The following LRGUK variants were observed in gnomAD, a reference collection of about 807,000 sequenced individuals.
LRGUK encodes the protein leucine rich repeats and guanylate kinase domain containing, also known as leucine-rich repeat and guanylate kinase domain-containing protein.
Under a neutral mutation model 76.0 loss-of-function variants are expected in LRGUK, and 65 were observed. The observed-to-expected ratio is 0.85, with a 90% confidence interval of 0.70 to 1.05. The LOEUF (loss-of-function observed/expected upper bound fraction) is 1.05. Among genes scored for constraint, LRGUK ranks in the 50% least tolerant of loss-of-function variants. LRGUK has a pLI of 0.00. For missense variants in LRGUK, 758 were observed against 732.8 expected (o/e 1.03, Z -0.40); for synonymous variants, 268 against 265.6 (o/e 1.01, Z -0.09).
intron 5 of LRGUK, among the ~76,000 whole-genome samples, chr7:134,156,625 A>T (rs1224718346): frequency 6.6e-6 from 1 of 152,198 alleles, no homozygotes; most frequent in Non-Finnish European, 1.5e-5. Context: ...GATGATGTGG[A>T]TGAAACTGGA....
chr7:134,192,613 C>T (rs1415956814), intron 12 of LRGUK, among the ~76,000 whole-genome samples: 1 of 152,148 alleles, frequency 6.6e-6, no homozygotes, highest in Non-Finnish European at 1.5e-5. Flanking sequence ...TCATAATCCT[C>T]GCATGTTTTA....
chr7:134,267,002 G>T (rs1456307178), downstream of LRGUK, among the ~76,000 whole-genome samples: 1 of 152,148 alleles, frequency 6.6e-6, no homozygotes, highest in Non-Finnish European at 1.5e-5. Flanking sequence ...GGAAAGAACT[G>T]TCAACTTACA....
At chr7:134,177,112 C>A (rs1279543817) in intron 9 of LRGUK, 49 bp downstream of exon 9, 5 of 1,154,238 alleles carry the variant, frequency 4.3e-6, no homozygotes, top group South Asian at 2.8e-5. Flanking sequence ...GGTTAATATG[C>A]TCAAAAGCTC....
At chr7:134,190,948 T>TTCTGGGGATAGACAGTCGGTGAGC (rs1554467160) in intron 11 of LRGUK, among the ~76,000 whole-genome samples, 1 of 41,740 alleles carries the variant, frequency 2.4e-5, no homozygotes, top group Non-Finnish European at 5.9e-5. Flanking sequence ...TTGAGCGGTG[T>TTCTGGGGATAGACAGTCGGTGAGC]GGTGGGATGG....
intron 7 of LRGUK, among the ~76,000 whole-genome samples, chr7:134,164,334 G>A (rs1798881645): frequency 6.6e-6 from 1 of 152,134 alleles, no homozygotes; most frequent in Non-Finnish European, 1.5e-5. Context: ...GGCACAGGAA[G>A]GGAGTTCTTA....
chr7:134,240,125 T>C (rs1802106459), intron 16 of LRGUK, among the ~76,000 whole-genome samples: 1 of 152,150 alleles, frequency 6.6e-6, no homozygotes, highest in African/African-American at 2.4e-5. Context: ...AGCTGAAAAT[T>C]CTAAAAATCA....
At chr7:134,134,818 A>C (rs1797457948) in intron 1 of LRGUK, among the ~76,000 whole-genome samples, 1 of 152,262 alleles carries the variant, frequency 6.6e-6, no homozygotes, top group Admixed American at 6.5e-5. Flanking sequence ...TGAGTGAAAC[A>C]TTACGATGTG....
At chr7:134,129,079 CTCCT>C (rs371377296) in intron 1 of LRGUK, among the ~76,000 whole-genome samples, 2,079 of 149,660 alleles carry the variant, frequency 0.014, 57 homozygotes, top group African/African-American at 0.048. Context: ...TTCTTTCTTT[CTCCT>C]TCCTTCCTTC....
chr7:134,147,998 G>T (rs1293239811), intron 4 of LRGUK, among the ~76,000 whole-genome samples: 1 of 149,196 alleles, frequency 6.7e-6, no homozygotes, highest in Non-Finnish European at 1.5e-5. Flanking sequence ...GGAGGTGGAG[G>T]TTGCAGTGAG....
chr7:134,146,516 G>A (rs1797975999), intron 4 of LRGUK, among the ~76,000 whole-genome samples: 1 of 152,128 alleles, frequency 6.6e-6, no homozygotes, highest in African/African-American at 2.4e-5. Flanking sequence ...TTATTTCATA[G>A]TATGCATTTT....
At chr7:134,248,695 G>A (rs1004208795) in intron 17 of LRGUK, among the ~76,000 whole-genome samples, 1 of 152,094 alleles carries the variant, frequency 6.6e-6, no homozygotes, top group Non-Finnish European at 1.5e-5. Context: ...AAGATAATTT[G>A]CCTATATTAG....
downstream of LRGUK, among the ~76,000 whole-genome samples, chr7:134,266,499 C>G (rs1473645874): frequency 6.6e-6 from 1 of 152,100 alleles, no homozygotes; most frequent in African/African-American, 2.4e-5. Context: ...AGTACAATCA[C>G]TGAAATTTTA....
chr7:134,199,781 A>G (rs1800672401), intron 14 of LRGUK, among the ~76,000 whole-genome samples: 1 of 151,656 alleles, frequency 6.6e-6, no homozygotes. Context: ...ATCTACACGT[A>G]GGTTAAAAAC....
chr7:134,148,093 A>G, intron 4 of LRGUK, 145 bp from the exon 5 acceptor site: 1 of 552,020 alleles, frequency 1.8e-6, no homozygotes, highest in Non-Finnish European at 3.1e-6. Flanking sequence ...TTAAAGACAG[A>G]TGATTCTTTT....
downstream of LRGUK, among the ~76,000 whole-genome samples, chr7:134,265,694 G>A (rs2117239287): frequency 6.6e-6 from 1 of 152,234 alleles, no homozygotes; most frequent in Non-Finnish European, 1.5e-5. Flanking sequence ...CTCTCTGCTG[G>A]GACAGTATCA....
At chr7:134,161,792 G>A (rs940423856) in intron 6 of LRGUK, among the ~76,000 whole-genome samples, 1 of 148,030 alleles carries the variant, frequency 6.8e-6, no homozygotes, top group Non-Finnish European at 1.5e-5. Flanking sequence ...CCGGATTCAC[G>A]CCATTCTCCT....
At chr7:134,245,111 A>G (rs1802264076) in intron 16 of LRGUK, among the ~76,000 whole-genome samples, 1 of 152,180 alleles carries the variant, frequency 6.6e-6, no homozygotes, top group Admixed American at 6.5e-5. Context: ...GGTGCAGCAC[A>G]CCAACATGGC....
chr7:134,243,217 G>T (rs1284041454), intron 16 of LRGUK, among the ~76,000 whole-genome samples: 1 of 152,108 alleles, frequency 6.6e-6, no homozygotes, highest in Non-Finnish European at 1.5e-5. Flanking sequence ...AATCAGGCAG[G>T]AGAAAGAAAT....
intron 15 of LRGUK, among the ~76,000 whole-genome samples, chr7:134,220,660 C>T (rs576428222): frequency 6.6e-6 from 1 of 151,956 alleles, no homozygotes; most frequent in East Asian, 1.9e-4. Flanking sequence ...CCTCTACCTC[C>T]TGATCTCAAG....
Sources: gnomAD v4.1 joint callset for allele counts (sites outside exome capture counted in the v4.1 genomes callset) on GRCh38, gnomAD v4.1.1 for gene constraint, MANE v1.5 for transcripts, NCBI Gene and HGNC (gene_info 2026-07-23, HGNC 2026-07-21) for gene names.